Variants in MAPKBP1 observed in about 807,000 individuals in gnomAD.
The protein encoded by MAPKBP1 is mitogen-activated protein kinase binding protein 1.
A neutral mutation model predicts 170.5 loss-of-function variants in MAPKBP1; 71 were observed. The observed-to-expected ratio is 0.42, with a 90% CI of 0.34 to 0.51. The LOEUF (loss-of-function observed/expected upper bound fraction) is 0.51. Ranked by LOEUF, MAPKBP1 falls within the 20% of genes least tolerant of loss-of-function variation. The pLI is 0.06. For missense variants in MAPKBP1, 1,598 were observed against 1,933.0 expected (o/e 0.83, Z 3.25); for synonymous variants, 719 against 757.9 (o/e 0.95, Z 0.84).
At chr15:41,794,603 T>G (rs2064453290) in intron 2 of MAPKBP1, among the ~76,000 whole-genome samples, 1 of 152,100 alleles carries the variant, frequency 6.6e-6, no homozygotes, top group African/African-American at 2.4e-5. Context: ...GAGAACAACT[T>G]TATTGGTCTG....
Position 41,825,193 on chromosome 15 carries a change from G to A in MAPKBP1, c.4300-16G>A, listed in dbSNP as rs1340555478. 2 of 1,568,286 alleles carry A rather than the reference G, an allele frequency of 1.3e-6. No homozygotes were observed. The highest frequency in any genetic ancestry group is 1.4e-5 in the African/African-American group (1 of 73,936). ...TGACAGGCTCCTCCACCTCACTTCT[G>A]GGGGTGCTATTTCAGGTGGCTGGCT... On this transcript the variant is annotated splice_polypyrimidine_tract_variant and intron_variant, in intron 30 of 30. Transcript: ENST00000457542.
At chr15:41,814,230 T>C (rs2064852282) in intron 9 of MAPKBP1, among the ~76,000 whole-genome samples, 1 of 152,186 alleles carries the variant, frequency 6.6e-6, no homozygotes, top group Non-Finnish European at 1.5e-5. Flanking sequence ...TCATGGTTCG[T>C]TGTGGTTTGT....
At chr15:41,791,830 G>A (rs561740360) in intron 2 of MAPKBP1, among the ~76,000 whole-genome samples, 3 of 152,010 alleles carry the variant, frequency 2.0e-5, no homozygotes, top group Non-Finnish European at 2.9e-5. Context: ...TCTAAAAATA[G>A]GTGTTGTCTG....
Position 41,816,894 on chromosome 15 carries a change from G to A in MAPKBP1, c.1586-16G>A. 6.3e-7 allele frequency: 1 copy of A among 1,594,884 alleles called. No individual in the cohort carries two copies. Among genetic ancestry groups the A allele is most frequent in the Non-Finnish European group, 8.6e-7 (1 of 1,168,928 alleles). ...TTCAGGGCACTCATGGGCTGATGGAGTTCTTTCATCCCCAGGTCTGAAACT... is the reference window on the plus strand; with the variant it reads ...TTCAGGGCACTCATGGGCTGATGGAATTCTTTCATCCCCAGGTCTGAAACT... On this transcript the variant is annotated splice_polypyrimidine_tract_variant and intron_variant, in intron 13 of 30. Transcript: ENST00000457542.
Position 41,822,884 on chromosome 15 carries a change from G to T in MAPKBP1, c.3315-55G>T, listed in dbSNP as rs374469739. 4.5e-6 allele frequency: 7 copies of T among 1,551,294 alleles called. No individual in the cohort carries two copies. The African/African-American group carries it at 5.4e-5, about 12-fold the overall frequency. The stretch of plus-strand genomic sequence containing the variant: ...GTGCTATGAGTTTCTCGCCATTTTG[G>T]CAGGGAGGAGCATTGAGCCTTCTCT... On this transcript the variant is annotated intron_variant, in intron 27 of 30. Transcript: ENST00000457542.
At chr15:41,793,065 A>T (rs535166184) in intron 2 of MAPKBP1, among the ~76,000 whole-genome samples, 1 of 152,212 alleles carries the variant, frequency 6.6e-6, no homozygotes, top group African/African-American at 2.4e-5. Flanking sequence ...TTGAATGCAG[A>T]TGCAGATATG....
chr15:41,822,681 C>G lies in MAPKBP1; in HGVS notation c.3314+4C>G. ...AAGTACAGACCCGCCCACTCAGGTA[C>G]AGAGGCCCCCTACCCCCCAGCAGCA... is the stretch of plus-strand genomic sequence containing the variant. On this transcript the variant is annotated splice_donor_region_variant and intron_variant, in intron 27 of 30. Coordinates refer to ENST00000457542, the MANE Select transcript of MAPKBP1 (RefSeq NM_014994.3). 1 of 1,613,962 alleles carries G rather than the reference C, an allele frequency of 6.2e-7. No individual in the cohort carries two copies.
intron 8 of MAPKBP1, 193 bp downstream of exon 8, chr15:41,813,294 TTCTG>T: frequency 1.3e-6 from 2 of 1,529,144 alleles, no homozygotes; most frequent in Non-Finnish European, 1.8e-6. Context: ...TCTCTGCTCT[TTCTG>T]TCTCTTTCCC....
At chr15:41,810,049 C>T (rs2064775320) in intron 3 of MAPKBP1, among the ~76,000 whole-genome samples, 1 of 152,244 alleles carries the variant, frequency 6.6e-6, no homozygotes, top group Non-Finnish European at 1.5e-5. Context: ...CACTTCCTTC[C>T]TTATTCAACA....
intron 2 of MAPKBP1, among the ~76,000 whole-genome samples, chr15:41,795,855 C>T (rs953225384): frequency 6.6e-5 from 10 of 152,154 alleles, no homozygotes; most frequent in Non-Finnish European, 1.3e-4. Context: ...GTGATCCGCC[C>T]GTCTCGGCCT....
Position 41,822,265 on chromosome 15 carries a change from C to G in MAPKBP1, c.3072C>G (p.Ser1024=). The change falls in exon 26 of 31, where the codon TCC becomes TCG. Residue 1024 remains serine (S), a synonymous_variant. Coordinates refer to ENST00000457542, the MANE Select transcript of MAPKBP1 (RefSeq NM_014994.3). The part of the protein sequence containing the change: ...STEPLSVDGI[S]SDLEEPAEGD... ...AGCCCCTCAGTGTGGATGGCATCTC[C>G]TCAGACCTTGAAGAGCCAGCTGAGG... 6.2e-7 allele frequency: 1 copy of G among 1,614,052 alleles called. No homozygotes were observed. Among genetic ancestry groups the G allele is most frequent in the Non-Finnish European group, 8.5e-7 (1 of 1,180,008 alleles).
At chr15:41,816,841 G>T (rs554639204) in intron 13 of MAPKBP1, 69 bp from the exon 14 acceptor site, 1 of 1,549,096 alleles carries the variant, frequency 6.5e-7, no homozygotes, top group Non-Finnish European at 8.7e-7. Context: ...TTCCCTTGGG[G>T]CTCTTTGCCA....
In MAPKBP1 at chr15:41,822,049, C is replaced by T. The variant is rs759814124; in HGVS notation, c.2970C>T (p.Asp990=). Residue 990 remains aspartate, a synonymous_variant, in exon 25 of 31, where the codon GAC becomes GAT. Coordinates refer to ENST00000457542, the MANE Select transcript of MAPKBP1 (RefSeq NM_014994.3). ...GGAGCTCAGAAAAGCACAGCCCTGA[C>T]AGTGCCTGCTCTGTGGATTACAGCA... ...GSRSSEKHSP[D]SACSVDYSSS... is the part of the protein sequence containing the mutation. 2 of 1,609,364 alleles carry T rather than the reference C, an allele frequency of 1.2e-6. No individual in the cohort carries two copies. Among genetic ancestry groups the T allele is most frequent in the South Asian group, 1.1e-5 (1 of 90,058 alleles).
Position 41,812,057 on chromosome 15 carries a change from C to G in MAPKBP1, c.428C>G (p.Ser143Cys). ...TATGGTGTGGCTTGTGTGGCCTTCT[C>G]TCCTAGCGCCAAGTACATTGTCTCT... Reference protein sequence around the residue: ...HKYGVACVAFSPSAKYIVSVG... With the variant: ...HKYGVACVAFCPSAKYIVSVG... The change falls in exon 6 of 31, where the codon TCT becomes TGT. Residue 143 changes from serine (S) to cysteine (C), a missense_variant. Ser to Cys is a moderately radical substitution (Grantham distance 112). Transcript: ENST00000457542. The G allele has an allele frequency of 2.5e-6, 4 of 1,614,150 alleles. No homozygotes were observed. The highest frequency in any genetic ancestry group is 3.4e-6 in the Non-Finnish European group (4 of 1,180,022).
intron 9 of MAPKBP1, 61 bp downstream of exon 9, chr15:41,813,842 T>A: frequency 6.6e-7 from 1 of 1,505,268 alleles, no homozygotes; most frequent in Non-Finnish European, 8.9e-7. Context: ...GTCTTTCTTG[T>A]CAGTGCCTCA....
In MAPKBP1 at chr15:41,823,611, A is replaced by G; in HGVS notation, c.3763A>G (p.Ser1255Gly). ...CAGTTCCATGGCCAAGATATCCCGC[A>G]GTATCTCTGTTGGGGAGAACCTGGG... ...TTSSMAKISR[S>G]ISVGENLGLV... The change falls in exon 29 of 31, where the codon AGT becomes GGT. Residue 1255 changes from serine to glycine, a missense_variant. By Grantham distance (56) the Ser-to-Gly change is moderately conservative. Coordinates refer to ENST00000457542, the MANE Select transcript of MAPKBP1 (RefSeq NM_014994.3). The G allele has an allele frequency of 6.2e-7, 1 of 1,614,118 alleles. No individual in the cohort carries two copies. Among genetic ancestry groups the G allele is most frequent in the Non-Finnish European group, 8.5e-7 (1 of 1,180,016 alleles).
intron 23 of MAPKBP1, chr15:41,821,269 A>T: frequency 1.6e-6 from 1 of 633,292 alleles, no homozygotes; most frequent in Non-Finnish European, 2.7e-6. Context: ...GGGTTGGGGT[A>T]GAGAGGCAAA....
chr15:41,774,846 T>C (rs2064069539), intron 1 of MAPKBP1: 2 of 401,028 alleles, frequency 5.0e-6, no homozygotes, highest in East Asian at 7.1e-5. Context: ...CTCGGCGGCC[T>C]CCTCCCTTGG....
At chr15:41,776,148 A>G (rs2064094780) in intron 2 of MAPKBP1, among the ~76,000 whole-genome samples, 1 of 152,208 alleles carries the variant, frequency 6.6e-6, no homozygotes, top group African/African-American at 2.4e-5. Flanking sequence ...AGTAGTCGAC[A>G]TTTATTTAAT....
Sources: gnomAD v4.1 joint callset for allele counts (sites outside exome capture counted in the v4.1 genomes callset) on GRCh38, gnomAD v4.1.1 for gene constraint, MANE v1.5 for transcripts, NCBI Gene and HGNC (gene_info 2026-07-23, HGNC 2026-07-21) for gene names.